The following PTK2B variants were observed in gnomAD, a reference collection of about 807,000 sequenced individuals.
PTK2B encodes protein tyrosine kinase 2 beta.
PTK2B carries 71 observed loss-of-function variants against 142.9 expected under a neutral mutation model. That is an observed-to-expected ratio of 0.50 (90% CI 0.41 to 0.61). The LOEUF is 0.61. PTK2B is among the 20% of genes least tolerant of loss of function. The pLI is 0.00. For synonymous variants in PTK2B, 519 were observed against 503.4 expected (o/e 1.03, Z -0.42); for missense variants, 1,105 against 1,320.4 (o/e 0.84, Z 2.53).
chr8:27,366,289 G>T (rs1806015698), intron 1 of PTK2B, among the ~76,000 whole-genome samples: 1 of 152,176 alleles, frequency 6.6e-6, no homozygotes, highest in Non-Finnish European at 1.5e-5. Flanking sequence ...ATCCCCCAGG[G>T]GGAGGCTGTC....
Position 27,433,526 on chromosome 8 carries a change from G to T in PTK2B, c.1079G>T (p.Gly360Val). ...TGCCGGCTGCAGGGTGAGCACCAAG[G>T]CTCTCTCATCATCCATCCTAGGAAA... ...GYCRLQGEHQ[G>V]SLIIHPRKDG... The change falls in exon 11 of 31, where the codon GGC becomes GTC. Residue 360 changes from glycine to valine, a missense_variant. Gly to Val is a moderately radical substitution (Grantham distance 109). Transcript: ENST00000346049. The T allele has an allele frequency of 6.2e-7, 1 of 1,614,058 alleles. No individual in the cohort carries two copies. Among genetic ancestry groups the T allele is most frequent in the Non-Finnish European group, 8.5e-7 (1 of 1,179,882 alleles).
At chr8:27,436,221 G>T in intron 14 of PTK2B, 30 bp from the exon 15 acceptor site, 1 of 1,609,234 alleles carries the variant, frequency 6.2e-7, no homozygotes. Context: ...CGATCTCTGT[G>T]ATCTGCGACT....
chr8:27,457,333 A>T (rs575901898), intron 30 of PTK2B, among the ~76,000 whole-genome samples: 1 of 152,232 alleles, frequency 6.6e-6, no homozygotes, highest in African/African-American at 2.4e-5. Context: ...AAAAAAGACT[A>T]TCTTCAAATA....
chr8:27,432,052 ATTC>A (rs1447336871), intron 9 of PTK2B: 5 of 504,134 alleles, frequency 9.9e-6, no homozygotes, highest in African/African-American at 5.7e-5. Flanking sequence ...GTCCAAGACA[ATTC>A]TTCTTCCAAT....
At chr8:27,423,500 C>T (rs555839315) in intron 5 of PTK2B, among the ~76,000 whole-genome samples, 3 of 152,198 alleles carry the variant, frequency 2.0e-5, no homozygotes, top group African/African-American at 7.2e-5. Flanking sequence ...TTTTGACCAG[C>T]CCCCCAGGTG....
intron 2 of PTK2B, among the ~76,000 whole-genome samples, chr8:27,416,581 G>C (rs1809413998): frequency 6.6e-6 from 1 of 152,186 alleles, no homozygotes; most frequent in Admixed American, 6.5e-5. Flanking sequence ...GGCAGGCAAA[G>C]ATTTCTTAGG....
intron 24 of PTK2B, among the ~76,000 whole-genome samples, chr8:27,446,696 C>T (rs1279326158): frequency 6.6e-6 from 1 of 152,152 alleles, no homozygotes; most frequent in East Asian, 1.9e-4. Flanking sequence ...ACTCTGCATG[C>T]ATGCACAATA....
upstream of PTK2B, chr8:27,311,089 C>T: frequency 6.3e-7 from 1 of 1,597,402 alleles, no homozygotes; most frequent in Non-Finnish European, 8.5e-7. Context: ...CCTGCACCTC[C>T]CAGCAGCGGC....
upstream of PTK2B, chr8:27,322,515 C>G (rs2130668245): frequency 6.6e-6 from 1 of 152,294 alleles, no homozygotes; most frequent in South Asian, 2.1e-4. Flanking sequence ...TATGTACTAT[C>G]TCCCCATAAA....
rs1807028632 is a variant in PTK2B, at chr8:27,381,630, T to TG, written c.-37-15917dup. ...CAATGTGGACGTGCAGATATCTCTT[T>TG]GACATAATGATTTAATTTCCTCTGG... On this transcript the variant is annotated intron_variant, in intron 1 of 30. Coordinates refer to ENST00000346049, the MANE Select transcript of PTK2B (RefSeq NM_173176.3). 2.0e-5 allele frequency among the ~76,000 whole-genome samples: 3 copies of TG among 152,242 alleles called. No individual in the cohort carries two copies. In the South Asian group the frequency reaches 6.2e-4, roughly 31 times the overall value.
chr8:27,453,099 T>A lies in PTK2B; in HGVS notation c.2549-15T>A. The A allele has an allele frequency of 5.0e-6, 8 of 1,613,900 alleles. No individual in the cohort carries two copies. Among genetic ancestry groups the A allele is most frequent in the Non-Finnish European group, 6.8e-6 (8 of 1,179,952 alleles). ...GCTGAGAACTGCCCCCCACTTGCTG[T>A]TCTTTTTATTGCAGTGGAGTTCACA... On this transcript the variant is annotated splice_polypyrimidine_tract_variant and intron_variant, in intron 27 of 30. Transcript: ENST00000346049.
intron 11 of PTK2B, 146 bp downstream of exon 11, chr8:27,433,698 C>T: frequency 1.3e-6 from 1 of 742,780 alleles, no homozygotes. Flanking sequence ...TTCCAGTGGG[C>T]CCATCTTAGG....
intron 3 of PTK2B, among the ~76,000 whole-genome samples, chr8:27,314,230 GTCTATC>G (rs1563451718): frequency 6.6e-6 from 1 of 152,200 alleles, no homozygotes. Flanking sequence ...GCCATTTCCA[GTCTATC>G]TTTAGGTCTT....
rs1181094279 is a variant in PTK2B at position 27,437,381 on chromosome 8, C to G, written c.1427-15C>G. The G allele has an allele frequency of 6.2e-7, 1 of 1,604,236 alleles. No homozygotes were observed. The highest frequency in any genetic ancestry group is 1.7e-5 in the Admixed American group (1 of 58,796). ...GAGCCGCTCCACCTGTCCCTCTTGC[C>G]CCACCACACTGCAGTGATCATGAAG... On this transcript the variant is annotated splice_polypyrimidine_tract_variant and intron_variant, in intron 16 of 30. Coordinates refer to ENST00000346049, the MANE Select transcript of PTK2B (RefSeq NM_173176.3).
At chr8:27,399,782 C>T (rs1357192391) in intron 2 of PTK2B, among the ~76,000 whole-genome samples, 1 of 152,202 alleles carries the variant, frequency 6.6e-6, no homozygotes, top group Non-Finnish European at 1.5e-5. Context: ...ATGCCACCTG[C>T]TTATTGCAAA....
intron 30 of PTK2B, among the ~76,000 whole-genome samples, chr8:27,455,823 A>G (rs938518507): frequency 2.0e-5 from 3 of 152,248 alleles, no homozygotes; most frequent in South Asian, 2.1e-4. Flanking sequence ...ATTTGTTGCC[A>G]AAGCCATAGG....
At chr8:27,418,586 T>C (rs1809547043) in intron 2 of PTK2B, among the ~76,000 whole-genome samples, 1 of 152,190 alleles carries the variant, frequency 6.6e-6, no homozygotes, top group Admixed American at 6.5e-5. Context: ...GATGTAGGCT[T>C]GATGGCACGC....
At chr8:27,398,597 C>T (rs1003096553) in intron 2 of PTK2B, among the ~76,000 whole-genome samples, 1 of 152,190 alleles carries the variant, frequency 6.6e-6, no homozygotes, top group African/African-American at 2.4e-5. Context: ...TTCCTCTGCC[C>T]AGAGCACCCC....
At chr8:27,345,548 C>T (rs1245459707) in intron 1 of PTK2B, among the ~76,000 whole-genome samples, 1 of 152,184 alleles carries the variant, frequency 6.6e-6, no homozygotes, top group African/African-American at 2.4e-5. Context: ...CCTGATTCCC[C>T]TGTAAAGGCA....
Sources: allele counts gnomAD v4.1 joint callset (sites outside exome capture counted in the v4.1 genomes callset), GRCh38; gene constraint gnomAD v4.1.1; transcripts MANE v1.5; gene names NCBI Gene and HGNC (gene_info 2026-07-23, HGNC 2026-07-21).